Variants in ITGA9 observed in about 807,000 individuals in gnomAD.
ITGA9 encodes integrin subunit alpha 9.
In ITGA9, 56 loss-of-function variants were observed where a neutral mutation model predicts 127.8. The observed-to-expected ratio is 0.44, with a 90% confidence interval of 0.35 to 0.55. ITGA9 has a LOEUF of 0.55. Among genes scored for constraint, ITGA9 ranks in the 20% least tolerant of loss-of-function variants. The pLI, the probability that ITGA9 is intolerant of heterozygous loss-of-function variation, is 0.00. For synonymous variants in ITGA9, 508 were observed against 514.5 expected, an observed-to-expected ratio of 0.99 and a Z score of 0.17; for missense variants, 1,196 against 1,347.1, an observed-to-expected ratio of 0.89 and a Z score of 1.76.
At chr3:37,789,730 C>T (rs531622491) in intron 26 of ITGA9, among the ~76,000 whole-genome samples, 1 of 128,274 alleles carries the variant, frequency 7.8e-6, no homozygotes, top group East Asian at 2.4e-4. Context: ...GATCACGCCA[C>T]TGCACTCCAG....
intron 15 of ITGA9, among the ~76,000 whole-genome samples, chr3:37,619,719 A>G (rs1406571280): frequency 4.6e-5 from 7 of 152,222 alleles, no homozygotes; most frequent in Non-Finnish European, 1.0e-4. Flanking sequence ...GCCGTACTCA[A>G]GGTGCCAGCC....
At chr3:37,648,671 A>G (rs1700401864) in intron 16 of ITGA9, among the ~76,000 whole-genome samples, 1 of 152,062 alleles carries the variant, frequency 6.6e-6, no homozygotes, top group South Asian at 2.1e-4. Context: ...CTAGCCAACA[A>G]TACTATACCC....
chr3:37,660,354 T>C (rs1436004962), intron 17 of ITGA9, among the ~76,000 whole-genome samples: 1 of 152,244 alleles, frequency 6.6e-6, no homozygotes, highest in Non-Finnish European at 1.5e-5. Flanking sequence ...TTTTGGATCG[T>C]AGAAAAACTT....
intron 15 of ITGA9, among the ~76,000 whole-genome samples, chr3:37,585,801 C>CCA (rs755263272): frequency 1.3e-4 from 20 of 151,956 alleles, no homozygotes; most frequent in Admixed American, 9.2e-4. Context: ...AGGGGGCCCC[C>CCA]CCAATTTTAA....
At chr3:37,690,709 G>T (rs1454355123) in intron 18 of ITGA9, among the ~76,000 whole-genome samples, 1 of 152,180 alleles carries the variant, frequency 6.6e-6, no homozygotes, top group African/African-American at 2.4e-5. Context: ...AACAAGCAGG[G>T]CAGGCACCCT....
intron 17 of ITGA9, among the ~76,000 whole-genome samples, chr3:37,654,761 G>T (rs907050924): frequency 2.6e-5 from 4 of 152,162 alleles, no homozygotes; most frequent in Non-Finnish European, 4.4e-5. Flanking sequence ...TGTTACATAG[G>T]TATACACATG....
intron 3 of ITGA9, among the ~76,000 whole-genome samples, chr3:37,478,231 A>G (rs1698514777): frequency 6.6e-6 from 1 of 152,032 alleles, no homozygotes; most frequent in Non-Finnish European, 1.5e-5. Context: ...AGCCAGGCCC[A>G]GTTGTGGCCG....
chr3:37,789,887 G>T lies in ITGA9; in HGVS notation c.2889+4809G>T, dbSNP rs527711224. 132 of 563,310 alleles carry T rather than the reference G, an allele frequency of 2.3e-4. 5 individuals are homozygous for T. Among genetic ancestry groups the T allele is most frequent in the South Asian group, 6.2e-4 (37 of 59,542 alleles). The allele number at this position is 563,310 out of a possible 1,614,324, so 34.9% of individuals were successfully genotyped here. On this transcript the variant is annotated intron_variant, in intron 26 of 27. Coordinates refer to ENST00000264741, the MANE Select transcript of ITGA9 (RefSeq NM_002207.3). Reference sequence around the variant, plus strand: ...GAAAATAGTCAGGATGAGGGATGAGGAGTACACATAGGAAATTTTTGTGAT... The same window carrying T: ...GAAAATAGTCAGGATGAGGGATGAGTAGTACACATAGGAAATTTTTGTGAT...
intron 15 of ITGA9, among the ~76,000 whole-genome samples, chr3:37,618,080 C>T (rs1700092356): frequency 1.3e-5 from 2 of 152,252 alleles, no homozygotes; most frequent in South Asian, 4.1e-4. Context: ...GTTTTTTCCC[C>T]ATCTTTGTGG....
chr3:37,809,195 C>T (rs1697336633), intron 27 of ITGA9, among the ~76,000 whole-genome samples: 1 of 151,168 alleles, frequency 6.6e-6, no homozygotes, highest in African/African-American at 2.4e-5. Flanking sequence ...AAGAGATTCT[C>T]CTACCTCAGT....
chr3:37,461,869 G>A (rs971093366), intron 1 of ITGA9, among the ~76,000 whole-genome samples: 3 of 152,194 alleles, frequency 2.0e-5, no homozygotes, highest in South Asian at 2.1e-4. Context: ...GCAGATGGGA[G>A]GCCACCCTTG....
At chr3:37,740,352 TCAAGAACATGTA>T (rs1014978071) in intron 20 of ITGA9, among the ~76,000 whole-genome samples, 1 of 152,124 alleles carries the variant, frequency 6.6e-6, no homozygotes, top group Non-Finnish European at 1.5e-5. Flanking sequence ...GAATGTAGGT[TCAAGAACATGTA>T]CCCAAGAGCC....
chr3:37,620,556 C>G (rs1044692448), intron 15 of ITGA9, among the ~76,000 whole-genome samples: 4 of 152,140 alleles, frequency 2.6e-5, no homozygotes, highest in Admixed American at 6.6e-5. Context: ...AAAACAAGCT[C>G]AGAGAGAGTA....
At chr3:37,749,788 A>C (rs1224427596) in intron 22 of ITGA9, 1 of 153,384 alleles carries the variant, frequency 6.5e-6, no homozygotes, top group Non-Finnish European at 1.5e-5. Context: ...CCTGGAAACC[A>C]AATCAGCTGG....
chr3:37,703,202 GT>G (rs1700966399), intron 18 of ITGA9, among the ~76,000 whole-genome samples: 4 of 152,156 alleles, frequency 2.6e-5, no homozygotes, highest in African/African-American at 9.7e-5. Flanking sequence ...AATTAGATAT[GT>G]TTTAATTTTT....
chr3:37,784,734 G>C (rs182824361), intron 25 of ITGA9, among the ~76,000 whole-genome samples: 265 of 152,266 alleles, frequency 1.7e-3, no homozygotes, highest in African/African-American at 5.5e-3. Flanking sequence ...CACATCTTGC[G>C]TGTGTTGATT....
chr3:37,796,628 T>C (rs1697177386), intron 26 of ITGA9, among the ~76,000 whole-genome samples: 1 of 152,098 alleles, frequency 6.6e-6, no homozygotes, highest in South Asian at 2.1e-4. Context: ...CCAAAAGATA[T>C]AACATTTGCA....
chr3:37,697,918 C>T (rs1439459603), intron 18 of ITGA9, among the ~76,000 whole-genome samples: 1 of 152,228 alleles, frequency 6.6e-6, no homozygotes, highest in Non-Finnish European at 1.5e-5. Context: ...ACACTGTCTT[C>T]CACAATGGTT....
intron 18 of ITGA9, among the ~76,000 whole-genome samples, chr3:37,686,205 T>C (rs1197559970): frequency 6.6e-6 from 1 of 151,758 alleles, no homozygotes; most frequent in African/African-American, 2.4e-5. Flanking sequence ...AGGCACAATG[T>C]GTGTGAATTA....
Sources: gnomAD v4.1 joint callset for allele counts (sites outside exome capture counted in the v4.1 genomes callset) on GRCh38, gnomAD v4.1.1 for gene constraint, MANE v1.5 for transcripts, NCBI Gene and HGNC (gene_info 2026-07-23, HGNC 2026-07-21) for gene names.